The following MARK4 variants were observed in gnomAD, a reference collection of about 807,000 sequenced individuals.
MARK4 encodes the protein MAP/microtubule affinity-regulating kinase 4.
In MARK4, 19 loss-of-function variants were observed where a neutral mutation model predicts 81.5. That is an observed-to-expected ratio of 0.23 (90% confidence interval 0.16 to 0.34). The LOEUF is 0.34. Ranked by LOEUF, MARK4 falls within the 10% of genes least tolerant of loss-of-function variation. The pLI is 1.00. For synonymous variants in MARK4, 436 were observed against 439.0 expected (o/e 0.99, Z 0.08); for missense variants, 772 against 1,058.8 (o/e 0.73, Z 3.76).
In MARK4 at chr19:45,271,696, G is replaced by A; in HGVS notation, c.774G>A (p.Gly258=). The change falls in exon 8 of 17, where the codon GGG becomes GGA. Residue 258 remains glycine (G), a synonymous_variant. Coordinates refer to ENST00000262891, the MANE Select transcript of MARK4 (RefSeq NM_001199867.2). This position sits in a 1 kb window ranked among gnomAD's most constrained non-coding sequence, Gnocchi z 4.1. The part of the protein sequence containing the change: ...TLVSGSLPFD[G]HNLKELRERV... ...TCAGCGGCTCCCTGCCCTTCGACGG[G>A]CACAACCTCAAGGTACCGAGAGGGG... 1 of 1,614,022 alleles carries A rather than the reference G, an allele frequency of 6.2e-7. No individual in the cohort carries two copies. The highest frequency in any genetic ancestry group is 1.1e-5 in the South Asian group (1 of 91,078).
At chr19:45,273,643 G>A (rs1258214244) in intron 8 of MARK4, among the ~76,000 whole-genome samples, 1 of 152,128 alleles carries the variant, frequency 6.6e-6, no homozygotes, top group African/African-American at 2.4e-5. Context: ...TTATCGATTA[G>A]TTCAGGCCAG....
At chr19:45,290,622 A>G (rs1970808422) in intron 13 of MARK4, among the ~76,000 whole-genome samples, 1 of 152,170 alleles carries the variant, frequency 6.6e-6, no homozygotes, top group Non-Finnish European at 1.5e-5. Context: ...TCTGGCTATT[A>G]CCACTTATGA....
chr19:45,286,356 G>A (rs929367193), intron 12 of MARK4, among the ~76,000 whole-genome samples: 2 of 150,498 alleles, frequency 1.3e-5, no homozygotes, highest in African/African-American at 4.9e-5. Context: ...GCCTGGCCCT[G>A]TTATGGGTTT....
At chr19:45,256,068 G>C (rs986841557) in intron 1 of MARK4, among the ~76,000 whole-genome samples, 1 of 152,242 alleles carries the variant, frequency 6.6e-6, no homozygotes, top group African/African-American at 2.4e-5. Flanking sequence ...GGTGTTTCAG[G>C]GGGTGGCAGA....
At chr19:45,294,899 C>A (rs1970866595) in intron 14 of MARK4, among the ~76,000 whole-genome samples, 1 of 152,074 alleles carries the variant, frequency 6.6e-6, no homozygotes, top group South Asian at 2.1e-4. Flanking sequence ...CAGGTCAAGG[C>A]CAGCTAGAAT....
intron 15 of MARK4, 27 bp downstream of exon 15, chr19:45,297,981 AGGGCG>A: frequency 1.3e-6 from 1 of 791,944 alleles, no homozygotes; most frequent in Non-Finnish European, 1.9e-6. Context: ...TGGCAGGGGC[AGGGCG>A]GGGCGGGGGG....
chr19:45,257,383 CTTTT>C lies in MARK4; in HGVS notation c.52-1591_52-1588del, dbSNP rs35210904. Among the ~76,000 whole-genome samples, 8 of 124,354 alleles carry C rather than the reference CTTTT, an allele frequency of 6.4e-5. No homozygotes were observed. The East Asian group carries it at 1.1e-3, about 17-fold the overall frequency. 81.6% of individuals were successfully genotyped at this position (124,354 alleles called of 152,430 possible). ...TGATGTAAACACAATTTTTCTTTCT[CTTTT>C]TTTTTTTTTTTTTTGAGATGGAGTC... On this transcript the variant is annotated intron_variant, in intron 1 of 16. Transcript: ENST00000262891.
At chr19:45,266,191 G>A (rs1336034330) in intron 6 of MARK4, 34 bp from the exon 7 acceptor site, 11 of 1,611,240 alleles carry the variant, frequency 6.8e-6, no homozygotes, top group East Asian at 2.2e-5. Flanking sequence ...GGTTTTGGGA[G>A]CCACAAATAA....
chr19:45,295,233 C>T (rs940727939), intron 14 of MARK4, among the ~76,000 whole-genome samples: 6 of 151,678 alleles, frequency 4.0e-5, no homozygotes, highest in African/African-American at 1.5e-4. Flanking sequence ...GTGGTGGGCA[C>T]CTGTAGTCCC....
intron 2 of MARK4, chr19:45,262,856 C>G: frequency 2.3e-6 from 1 of 441,266 alleles, no homozygotes; most frequent in Non-Finnish European, 4.2e-6. Context: ...CCTCTGCCTC[C>G]CAGGCTCAAG....
chr19:45,299,935 G>C (rs1970945878), intron 16 of MARK4, 80 bp downstream of exon 16: 1 of 1,416,832 alleles, frequency 7.1e-7, no homozygotes, highest in African/African-American at 1.4e-5. Context: ...CAGGGCATTA[G>C]ATGGGGCCCC....
chr19:45,271,196 ATGTC>A lies in MARK4; in HGVS notation c.550-273_550-270del. ...GCTGGTATTATAGGCGTGAGCCACTATGTCTGGCCTGTGCTAGGTTTTCTATGTG... is the reference window on the plus strand; with the variant it reads ...GCTGGTATTATAGGCGTGAGCCACTATGGCCTGTGCTAGGTTTTCTATGTG... On this transcript the variant is annotated intron_variant, in intron 7 of 16. Transcript: ENST00000262891. The surrounding 1 kb of genome is among the most constrained non-coding windows in gnomAD (Gnocchi z 4.1). Among the ~76,000 whole-genome samples the A allele has an allele frequency of 6.6e-6, 1 of 152,306 alleles. No individual in the cohort carries two copies. Among genetic ancestry groups the A allele is most frequent in the Admixed American group, 6.5e-5 (1 of 15,294 alleles).
rs1211884530 is a variant in MARK4 at position 45,303,790 on chromosome 19, C to G, written c.*1080C>G. ...CGGACAAACCATTGTCTTGGGGAGC[C>G]CAGAAGAGAAAGTGGGCAGGGTGGG... On this transcript the variant is annotated 3_prime_UTR_variant, in exon 17 of 17. Transcript: ENST00000262891. The G allele has an allele frequency of 5.3e-5, 8 of 152,064 alleles. No homozygotes were observed. Among genetic ancestry groups the G allele is most frequent in the Non-Finnish European group, 1.5e-5 (1 of 68,028 alleles). The allele number at this position is 152,064 out of a possible 1,614,324, so 9.4% of individuals were successfully genotyped here.
Position 45,302,993 on chromosome 19 carries a change from G to A in MARK4, c.*283G>A. The A allele has an allele frequency of 2.0e-6, 1 of 498,814 alleles. No homozygotes were observed. Among genetic ancestry groups the A allele is most frequent in the Non-Finnish European group, 3.5e-6 (1 of 282,406 alleles). 30.9% of individuals were successfully genotyped at this position (498,814 alleles called of 1,614,324 possible). ...GGCACCTGAGGAGACTTTGGGGACA[G>A]GGCAGGGGCAGGGAGGGAAACTGAG... On this transcript the variant is annotated 3_prime_UTR_variant, in exon 17 of 17. Coordinates refer to ENST00000262891, the MANE Select transcript of MARK4 (RefSeq NM_001199867.2). This position sits in a 1 kb window ranked among gnomAD's most constrained non-coding sequence, Gnocchi z 4.9.
intron 14 of MARK4, among the ~76,000 whole-genome samples, chr19:45,295,762 C>T (rs1853668755): frequency 6.6e-6 from 1 of 151,834 alleles, no homozygotes; most frequent in African/African-American, 2.4e-5. Context: ...CTGAGCCACA[C>T]AGCAAGAATC....
chr19:45,266,638 C>A (rs568460153), intron 7 of MARK4, among the ~76,000 whole-genome samples: 1 of 152,112 alleles, frequency 6.6e-6, no homozygotes, highest in South Asian at 2.1e-4. Flanking sequence ...CATTCTCCGA[C>A]CTTAGGACAT....
At chr19:45,292,863 C>T (rs201672832) in intron 13 of MARK4, among the ~76,000 whole-genome samples, 1 of 151,414 alleles carries the variant, frequency 6.6e-6, no homozygotes, top group Non-Finnish European at 1.5e-5. Context: ...CAGAACAAGA[C>T]CCCATCTCAA....
chr19:45,264,309 A>G (rs1970421079), intron 4 of MARK4, among the ~76,000 whole-genome samples: 3 of 151,976 alleles, frequency 2.0e-5, no homozygotes, highest in Admixed American at 2.0e-4. Flanking sequence ...GGAGATCAGC[A>G]TGACCAACAT....
chr19:45,252,158 A>G (rs1970252377), intron 1 of MARK4, among the ~76,000 whole-genome samples: 1 of 151,534 alleles, frequency 6.6e-6, no homozygotes, highest in Non-Finnish European at 1.5e-5. Context: ...CTGCCCCTCC[A>G]GGACGCACCC....
Sources: gnomAD v4.1 joint callset for allele counts (sites outside exome capture counted in the v4.1 genomes callset) on GRCh38, gnomAD v4.1.1 for gene constraint, Gnocchi (gnomAD v3.1) non-coding constraint, MANE v1.5 for transcripts, NCBI Gene and HGNC (gene_info 2026-07-23, HGNC 2026-07-21) for gene names.